Variants in ADGRL3 observed in about 807,000 individuals in gnomAD.
ADGRL3 encodes calcium-independent alpha-latrotoxin receptor 3.
Under a neutral mutation model 153.5 loss-of-function variants are expected in ADGRL3, and 62 were observed. The observed-to-expected ratio is 0.40, with a 90% CI of 0.33 to 0.50. The LOEUF is 0.50. Among genes scored for constraint, ADGRL3 ranks in the 20% least tolerant of loss-of-function variants. The probability of loss-of-function intolerance (pLI) is 0.47; values close to 1 mark genes in which losing one functional copy is unlikely to be tolerated. For missense variants in ADGRL3, 1,641 were observed against 1,859.4 expected (o/e 0.88, Z 2.16); for synonymous variants, 710 against 672.5 (o/e 1.06, Z -0.86).
rs573377679 is a variant in ADGRL3 at position 61,249,690 on chromosome 4, G to A, written c.-240+47925G>A. The stretch of plus-strand genomic sequence containing the variant: ...CACCTAGCTGAAAACGTTGGGAAAC[G>A]TAGTCTTTTAACTGAGTGTATTGCC... On this transcript the variant is annotated intron_variant, in intron 1 of 26. Coordinates refer to ENST00000683033, the MANE Select transcript of ADGRL3 (RefSeq NM_001387552.1). Among the ~76,000 whole-genome samples the A allele has an allele frequency of 1.2e-4, 18 of 152,260 alleles. No individual in the cohort carries two copies. In the South Asian group the frequency reaches 1.2e-3, roughly 11 times the overall value.
At chr4:61,457,851 C>CAGATAGATAGAT (rs149992520) in intron 2 of ADGRL3, among the ~76,000 whole-genome samples, 549 of 146,158 alleles carry the variant, frequency 3.8e-3, no homozygotes, top group Non-Finnish European at 4.6e-3. Context: ...TCACAGATGA[C>CAGATAGATAGAT]AGATAGATAG....
intron 8 of ADGRL3, among the ~76,000 whole-genome samples, chr4:61,797,581 TATC>T (rs2097430066): frequency 1.3e-5 from 2 of 152,196 alleles, no homozygotes; most frequent in Non-Finnish European, 1.5e-5. Context: ...ATTCAATAAA[TATC>T]ATCAATGTGA....
At chr4:61,600,552 A>G (rs142154992) in intron 5 of ADGRL3, among the ~76,000 whole-genome samples, 1 of 152,236 alleles carries the variant, frequency 6.6e-6, no homozygotes, top group East Asian at 1.9e-4. Flanking sequence ...CCTGGTACAC[A>G]CTGCTTTGGA....
chr4:61,299,860 T>C (rs749169200), intron 1 of ADGRL3, among the ~76,000 whole-genome samples: 2 of 152,182 alleles, frequency 1.3e-5, no homozygotes, highest in Non-Finnish European at 2.9e-5. Flanking sequence ...TTCTAAAAGA[T>C]TACCAAGAAA....
At chr4:61,227,556 A>C (rs1748555396) in intron 1 of ADGRL3, among the ~76,000 whole-genome samples, 1 of 152,122 alleles carries the variant, frequency 6.6e-6, no homozygotes, top group African/African-American at 2.4e-5. Flanking sequence ...TGAGAGTTAT[A>C]TCAAAGTCAT....
At chr4:61,879,696 C>T (rs2098498031) in intron 9 of ADGRL3, among the ~76,000 whole-genome samples, 1 of 151,900 alleles carries the variant, frequency 6.6e-6, no homozygotes, top group Admixed American at 6.6e-5. Context: ...GGGAGGTCTT[C>T]AGGTCTTTAT....
intron 2 of ADGRL3, among the ~76,000 whole-genome samples, chr4:61,440,291 G>A (rs963385429): frequency 1.2e-4 from 18 of 152,044 alleles, no homozygotes; most frequent in African/African-American, 3.4e-4. Flanking sequence ...CTCATGATCC[G>A]CCTGCCTTGG....
At chr4:61,444,852 A>T (rs889418262) in intron 2 of ADGRL3, among the ~76,000 whole-genome samples, 1 of 152,260 alleles carries the variant, frequency 6.6e-6, no homozygotes, top group Middle Eastern at 3.4e-3. Context: ...CAAGGGTTCC[A>T]GACCAGCCTG....
chr4:61,910,891 GTT>G (rs5858742), intron 12 of ADGRL3, among the ~76,000 whole-genome samples: 57 of 147,636 alleles, frequency 3.9e-4, no homozygotes, highest in East Asian at 1.2e-3. Context: ...CTGGCAAACA[GTT>G]TTTTTTTTTT....
chr4:61,461,010 C>T (rs1002265367), intron 2 of ADGRL3, among the ~76,000 whole-genome samples: 2 of 152,148 alleles, frequency 1.3e-5, no homozygotes, highest in Non-Finnish European at 2.9e-5. Flanking sequence ...GCAGAGGTTT[C>T]AGTGAGTGGA....
intron 5 of ADGRL3, among the ~76,000 whole-genome samples, chr4:61,597,479 A>G (rs1023398053): frequency 2.6e-5 from 4 of 152,096 alleles, no homozygotes; most frequent in African/African-American, 9.7e-5. Flanking sequence ...TTACTATTAC[A>G]TATTAATGTT....
intron 1 of ADGRL3, among the ~76,000 whole-genome samples, chr4:61,313,616 A>G (rs1423606508): frequency 6.6e-6 from 1 of 152,216 alleles, no homozygotes. Context: ...ACCACAGAGT[A>G]AGTGATGTAA....
chr4:61,525,784 A>G (rs2152934951), intron 4 of ADGRL3, among the ~76,000 whole-genome samples: 1 of 152,238 alleles, frequency 6.6e-6, no homozygotes, highest in South Asian at 2.1e-4. Context: ...ACTGGGTGGT[A>G]CCATTCACAA....
At chr4:61,747,225 C>A (rs2096676330) in intron 8 of ADGRL3, among the ~76,000 whole-genome samples, 1 of 150,298 alleles carries the variant, frequency 6.7e-6, no homozygotes, top group Admixed American at 6.6e-5. Context: ...AATAGCTTAC[C>A]AACCAAAAAG....
At chr4:61,892,599 C>A (rs1421825766) in intron 9 of ADGRL3, 57 bp from the exon 10 acceptor site, 4 of 1,279,122 alleles carry the variant, frequency 3.1e-6, no homozygotes, top group East Asian at 4.6e-5. Flanking sequence ...ACTAGGACAT[C>A]TTGAGGTCCT....
intron 6 of ADGRL3, among the ~76,000 whole-genome samples, chr4:61,725,763 T>TAACAGG: frequency 3.2e-5 from 2 of 61,892 alleles, no homozygotes; most frequent in African/African-American, 2.3e-4. Context: ...ATGGATTTGA[T>TAACAGG]GAAAATGGAG....
intron 9 of ADGRL3, among the ~76,000 whole-genome samples, chr4:61,857,943 G>A (rs1219057066): frequency 6.6e-6 from 1 of 152,124 alleles, no homozygotes; most frequent in Non-Finnish European, 1.5e-5. Flanking sequence ...TAATAATAGG[G>A]ACAAAGGCAG....
At chr4:61,986,454 A>G (rs2099085817) in intron 19 of ADGRL3, among the ~76,000 whole-genome samples, 2 of 152,312 alleles carry the variant, frequency 1.3e-5, no homozygotes, top group African/African-American at 4.8e-5. Context: ...TAGAATCAAT[A>G]ATATGTAGCC....
chr4:61,338,675 G>T (rs1225446884), intron 1 of ADGRL3, among the ~76,000 whole-genome samples: 6 of 151,970 alleles, frequency 3.9e-5, no homozygotes, highest in Non-Finnish European at 8.8e-5. Context: ...TTTATCCTTT[G>T]TATACTTTCA....
Sources: allele counts gnomAD v4.1 joint callset (sites outside exome capture counted in the v4.1 genomes callset), GRCh38; gene constraint gnomAD v4.1.1; transcripts MANE v1.5; gene names NCBI Gene and HGNC (gene_info 2026-07-23, HGNC 2026-07-21).